FAM114A1: variants seen among roughly 807,000 people sequenced by gnomAD.
FAM114A1 encodes the protein protein NOXP20.
In FAM114A1, 62 loss-of-function variants were observed where a neutral mutation model predicts 64.3. The observed-to-expected ratio is 0.96, with a 90% CI of 0.79 to 1.19. The LOEUF is 1.19. Among genes scored for constraint, FAM114A1 ranks in the 50% most tolerant of loss-of-function variants. The pLI is 0.00. For synonymous variants in FAM114A1, 254 were observed against 251.1 expected (o/e 1.01, Z -0.11); for missense variants, 645 against 676.3 (o/e 0.95, Z 0.51).
intron 9 of FAM114A1, among the ~76,000 whole-genome samples, chr4:38,928,669 A>G (rs984890474): frequency 2.6e-5 from 4 of 152,204 alleles, no homozygotes; most frequent in African/African-American, 9.7e-5. Flanking sequence ...TGAAAGGAAG[A>G]CAGATCATTA....
At chr4:38,876,169 C>CTTTTTT (rs1163508013) in intron 2 of FAM114A1, among the ~76,000 whole-genome samples, 33 of 69,056 alleles carry the variant, frequency 4.8e-4, no homozygotes, top group African/African-American at 1.0e-3. Context: ...ATTCTTTTTT[C>CTTTTTT]TTTTTTTTTT....
rs1560286312 is a variant in FAM114A1, at chr4:38,878,279, GC to G, written c.206del (p.Pro69LeufsTer18). 1 of 1,614,176 alleles carries G rather than the reference GC, an allele frequency of 6.2e-7. No individual in the cohort carries two copies. Among genetic ancestry groups the G allele is most frequent in the East Asian group, 2.2e-5 (1 of 44,892 alleles). On this transcript the variant is annotated frameshift_variant, in exon 3 of 15. Transcript: ENST00000358869. LOFTEE classifies it high-confidence loss of function. Reference sequence around the variant, plus strand: ...AGGGTGCAGGGGCTGCCGCCATTGGGCCCCCTGTGCAGCCTCAGGATGCCAA... The same window carrying G: ...AGGGTGCAGGGGCTGCCGCCATTGGGCCCCTGTGCAGCCTCAGGATGCCAA... ...VQGAGAAAIG[P>X]PVQPQDANAL... is the part of the protein sequence containing the mutation.
chr4:38,882,403 C>T (rs1715377400), intron 3 of FAM114A1, among the ~76,000 whole-genome samples: 1 of 150,468 alleles, frequency 6.6e-6, no homozygotes, highest in African/African-American at 2.5e-5. Context: ...GCCGAGGGGA[C>T]CGGATCACCT....
chr4:38,927,875 G>T (rs536303264), intron 9 of FAM114A1, among the ~76,000 whole-genome samples: 1 of 152,180 alleles, frequency 6.6e-6, no homozygotes, highest in South Asian at 2.1e-4. Context: ...GTAGAGACGG[G>T]GTTTCACCAT....
intron 7 of FAM114A1, among the ~76,000 whole-genome samples, chr4:38,910,908 T>A (rs566280249): frequency 2.6e-5 from 4 of 152,228 alleles, no homozygotes; most frequent in Admixed American, 2.0e-4. Flanking sequence ...GTAAGGACCT[T>A]GGGTTTGACT....
In FAM114A1 at chr4:38,878,286, G is replaced by GT; in HGVS notation, c.209dup (p.Gln71AlafsTer18). ...AGGGGCTGCCGCCATTGGGCCCCCT[G>GT]TGCAGCCTCAGGATGCCAACGCCCT... On this transcript the variant is annotated frameshift_variant, in exon 3 of 15. Transcript: ENST00000358869. LOFTEE classifies it high-confidence loss of function. 1 of 1,614,222 alleles carries GT rather than the reference G, an allele frequency of 6.2e-7. No homozygotes were observed. The highest frequency in any genetic ancestry group is 8.5e-7 in the Non-Finnish European group (1 of 1,180,032).
chr4:38,868,010 G>T, intron 1 of FAM114A1, 176 bp downstream of exon 1: 1 of 414,178 alleles, frequency 2.4e-6, no homozygotes, highest in South Asian at 1.7e-5. Context: ...TCTGGGGTGA[G>T]GGTCTGGGGC....
intron 8 of FAM114A1, among the ~76,000 whole-genome samples, chr4:38,920,180 C>T (rs1475585161): frequency 6.6e-6 from 1 of 151,658 alleles, no homozygotes; most frequent in Non-Finnish European, 1.5e-5. Context: ...GCACTCCAGC[C>T]TGGGCAGCAG....
intron 4 of FAM114A1, among the ~76,000 whole-genome samples, chr4:38,902,705 A>G (rs1030968389): frequency 6.6e-6 from 1 of 152,148 alleles, no homozygotes; most frequent in Admixed American, 6.5e-5. Context: ...GGGGTTTCAG[A>G]TTTTGGGGAT....
chr4:38,910,108 G>A (rs868738773), intron 7 of FAM114A1, among the ~76,000 whole-genome samples: 6 of 152,010 alleles, frequency 3.9e-5, no homozygotes, highest in East Asian at 1.9e-4. Context: ...ATGTGGTGGC[G>A]AGCACCTGTA....
chr4:38,934,773 T>A (rs1259283049), intron 12 of FAM114A1, among the ~76,000 whole-genome samples: 1 of 152,248 alleles, frequency 6.6e-6, no homozygotes, highest in African/African-American at 2.4e-5. Flanking sequence ...GGAATTTTGA[T>A]ATCAGTATTA....
At chr4:38,915,148 T>C in intron 8 of FAM114A1, 75 bp downstream of exon 8, 2 of 1,557,836 alleles carry the variant, frequency 1.3e-6, no homozygotes, top group Non-Finnish European at 1.7e-6. Flanking sequence ...CTGGAAAATC[T>C]GCCATTAAAA....
chr4:38,936,848 C>CA (rs1721156034), intron 13 of FAM114A1, among the ~76,000 whole-genome samples: 1 of 152,196 alleles, frequency 6.6e-6, no homozygotes, highest in African/African-American at 2.4e-5. Context: ...CCGCGCCTGG[C>CA]AGAGATAAGA....
At chr4:38,920,371 G>A (rs1719474762) in intron 8 of FAM114A1, among the ~76,000 whole-genome samples, 1 of 152,144 alleles carries the variant, frequency 6.6e-6, no homozygotes, top group Non-Finnish European at 1.5e-5. Flanking sequence ...TCAGCACTGT[G>A]CCAAGCATAT....
intron 2 of FAM114A1, among the ~76,000 whole-genome samples, chr4:38,871,957 A>G (rs975386632): frequency 6.6e-6 from 1 of 152,178 alleles, no homozygotes; most frequent in Non-Finnish European, 1.5e-5. Context: ...GAAGAACGCT[A>G]CTCCAAAGGG....
intron 8 of FAM114A1, among the ~76,000 whole-genome samples, chr4:38,919,183 CT>C (rs1355779929): frequency 1.3e-5 from 2 of 151,990 alleles, no homozygotes; most frequent in Non-Finnish European, 2.9e-5. Flanking sequence ...CGGTAAAGAA[CT>C]TTAGAAACAA....
intron 13 of FAM114A1, among the ~76,000 whole-genome samples, chr4:38,939,722 A>G (rs909816010): frequency 2.0e-5 from 3 of 152,134 alleles, no homozygotes; most frequent in Admixed American, 1.3e-4. Flanking sequence ...TCCAGGTACT[A>G]TAAGAGAAGC....
chr4:38,909,200 C>T (rs1718306527), intron 7 of FAM114A1, among the ~76,000 whole-genome samples: 1 of 152,192 alleles, frequency 6.6e-6, no homozygotes, highest in African/African-American at 2.4e-5. Flanking sequence ...GGGCAAGTTA[C>T]TTAGCCCCTC....
At chr4:38,880,107 G>GTAGAATAGAA (rs573937537) in intron 3 of FAM114A1, among the ~76,000 whole-genome samples, 5,030 of 126,994 alleles carry the variant, frequency 0.04, 268 homozygotes, top group Admixed American at 0.079. Context: ...ATAAAATAGA[G>GTAGAATAGAA]TAGAATAGAA....
Sources: gnomAD v4.1 joint callset for allele counts (sites outside exome capture counted in the v4.1 genomes callset) on GRCh38, gnomAD v4.1.1 for gene constraint, MANE v1.5 for transcripts, NCBI Gene and HGNC (gene_info 2026-07-23, HGNC 2026-07-21) for gene names.